Variants in UBE2E2 observed in about 807,000 individuals in gnomAD.
The protein encoded by UBE2E2 is ubiquitin-conjugating enzyme E2 E2.
In UBE2E2, 6 loss-of-function variants were observed where a neutral mutation model predicts 24.7. The ratio of observed to expected loss-of-function variants is 0.24; its 90% CI spans 0.13 to 0.48. UBE2E2 has a LOEUF of 0.48. Ranked by LOEUF, UBE2E2 falls within the 20% of genes least tolerant of loss-of-function variation. The probability of loss-of-function intolerance (pLI) is 0.99; values close to 1 mark genes in which losing one functional copy is unlikely to be tolerated. For missense variants in UBE2E2, 169 were observed against 245.0 expected, an observed-to-expected ratio of 0.69 and a Z score of 2.07; for synonymous variants, 104 against 83.6, an observed-to-expected ratio of 1.24 and a Z score of -1.33.
At chr3:23,585,198 G>A (rs79378821) in intron 5 of UBE2E2, among the ~76,000 whole-genome samples, 2,259 of 151,396 alleles carry the variant, frequency 0.015, 64 homozygotes, top group African/African-American at 0.051. Flanking sequence ...AACATCTGCC[G>A]TCTCTACCAA....
intron 3 of UBE2E2, among the ~76,000 whole-genome samples, chr3:23,352,915 G>GGC: frequency 6.6e-6 from 1 of 152,110 alleles, no homozygotes; most frequent in Non-Finnish European, 1.5e-5. Flanking sequence ...ACCAAAGCCG[G>GGC]GCAGAGACAC....
At chr3:23,335,973 A>G (rs1041962061) in intron 3 of UBE2E2, among the ~76,000 whole-genome samples, 1 of 152,218 alleles carries the variant, frequency 6.6e-6, no homozygotes, top group Non-Finnish European at 1.5e-5. Context: ...GCCTCAAAAT[A>G]CCAGATACCG....
chr3:23,434,840 AT>A (rs1301375600), intron 3 of UBE2E2, among the ~76,000 whole-genome samples: 2 of 152,112 alleles, frequency 1.3e-5, no homozygotes, highest in African/African-American at 4.8e-5. Context: ...GAAGCAAGTG[AT>A]TTTTTTCCAT....
chr3:23,589,262 A>T lies in UBE2E2; in HGVS notation c.509-472A>T, dbSNP rs1311130220. On this transcript the variant is annotated intron_variant, in intron 5 of 5. Transcript: ENST00000396703. The surrounding 1 kb of genome is among the most constrained non-coding windows in gnomAD (Gnocchi z 4.1). ...GAGACCCCCAAAATTACAAAAAAAA[A>T]TTTGAAAATTAGCCAGGTGTTGTTG... is the stretch of plus-strand genomic sequence containing the variant. Among the ~76,000 whole-genome samples the T allele has an allele frequency of 6.6e-6, 1 of 151,776 alleles. No homozygotes were observed. Among genetic ancestry groups the T allele is most frequent in the Non-Finnish European group, 1.5e-5 (1 of 67,928 alleles).
At chr3:23,485,190 G>C (rs1699338211) in intron 3 of UBE2E2, among the ~76,000 whole-genome samples, 1 of 149,774 alleles carries the variant, frequency 6.7e-6, no homozygotes, top group African/African-American at 2.5e-5. Context: ...CACCTCCAGG[G>C]TTCAAACCTC....
intron 3 of UBE2E2, among the ~76,000 whole-genome samples, chr3:23,379,020 G>A (rs1208862877): frequency 1.3e-5 from 2 of 152,134 alleles, no homozygotes; most frequent in Non-Finnish European, 2.9e-5. Context: ...AGTGACTGAA[G>A]TATTTTCTTT....
Position 23,203,470 on chromosome 3 carries a change from C to CG in UBE2E2, c.-9+7dup, listed in dbSNP as rs1316532152. The stretch of plus-strand genomic sequence containing the variant: ...CACGGACACCCCCCCCTCAGGTATT[C>CG]GCTCGGGCCGCGCCGGTGCCTCCCC... On this transcript the variant is annotated splice_region_variant and intron_variant, in intron 1 of 5. Transcript: ENST00000396703. 1 of 948,902 alleles carries CG rather than the reference C, an allele frequency of 1.1e-6. No individual in the cohort carries two copies. The highest frequency in any genetic ancestry group is 2.2e-5 in the African/African-American group (1 of 45,772). 58.8% of individuals were successfully genotyped at this position (948,902 alleles called of 1,614,324 possible).
intron 3 of UBE2E2, among the ~76,000 whole-genome samples, chr3:23,488,683 T>C (rs1699432230): frequency 1.3e-5 from 2 of 152,238 alleles, no homozygotes; most frequent in Non-Finnish European, 2.9e-5. Flanking sequence ...CTGAAAACTG[T>C]GTAGGGGCAG....
chr3:23,452,807 A>G (rs1698594976), intron 3 of UBE2E2, among the ~76,000 whole-genome samples: 1 of 152,060 alleles, frequency 6.6e-6, no homozygotes, highest in South Asian at 2.1e-4. Flanking sequence ...ACCATAATTT[A>G]CTACAAAATG....
intron 3 of UBE2E2, among the ~76,000 whole-genome samples, chr3:23,239,702 G>T (rs570560514): frequency 3.3e-5 from 5 of 152,314 alleles, no homozygotes; most frequent in African/African-American, 1.2e-4. Context: ...TTCAGATTTA[G>T]CAAACATTGA....
intron 3 of UBE2E2, among the ~76,000 whole-genome samples, chr3:23,428,235 G>A (rs1697974497): frequency 6.6e-6 from 1 of 152,160 alleles, no homozygotes. Flanking sequence ...CTAGAAATTA[G>A]TAACAGAAAG....
At chr3:23,405,626 G>C (rs947942820) in intron 3 of UBE2E2, among the ~76,000 whole-genome samples, 1 of 152,120 alleles carries the variant, frequency 6.6e-6, no homozygotes, top group Non-Finnish European at 1.5e-5. Flanking sequence ...GAGGTGTCCA[G>C]GCTTTTGACT....
At chr3:23,460,887 A>C (rs992988309) in intron 3 of UBE2E2, among the ~76,000 whole-genome samples, 2 of 152,226 alleles carry the variant, frequency 1.3e-5, no homozygotes, top group Admixed American at 1.3e-4. Context: ...TGTTTATATG[A>C]ACATAGCCTG....
intron 5 of UBE2E2, among the ~76,000 whole-genome samples, chr3:23,587,757 T>C (rs552148008): frequency 1.2e-3 from 182 of 152,360 alleles, no homozygotes; most frequent in African/African-American, 4.3e-3. Flanking sequence ...TATTTGGTAG[T>C]GCTGGTTTAA....
chr3:23,486,309 C>A (rs1426406143), intron 3 of UBE2E2, among the ~76,000 whole-genome samples: 2 of 152,164 alleles, frequency 1.3e-5, no homozygotes, highest in African/African-American at 2.4e-5. Flanking sequence ...CACATCCAGA[C>A]AAGGGGAATG....
intron 3 of UBE2E2, among the ~76,000 whole-genome samples, chr3:23,293,672 A>G (rs561853428): frequency 1.3e-5 from 2 of 152,332 alleles, no homozygotes; most frequent in South Asian, 4.1e-4. Flanking sequence ...CATAATATGT[A>G]TCTTTCCTCT....
intron 5 of UBE2E2, among the ~76,000 whole-genome samples, chr3:23,585,054 T>TA (rs1696586706): frequency 6.6e-6 from 1 of 152,132 alleles, no homozygotes; most frequent in Admixed American, 6.5e-5. Context: ...CAGGTTATTA[T>TA]TTTATGACTG....
chr3:23,498,611 T>G (rs1253444539), intron 3 of UBE2E2, among the ~76,000 whole-genome samples: 1 of 152,176 alleles, frequency 6.6e-6, no homozygotes, highest in African/African-American at 2.4e-5. Flanking sequence ...TATATAATTT[T>G]CTCCATAAAG....
At chr3:23,415,312 C>T (rs1236677970) in intron 3 of UBE2E2, among the ~76,000 whole-genome samples, 1 of 152,148 alleles carries the variant, frequency 6.6e-6, no homozygotes, top group Non-Finnish European at 1.5e-5. Context: ...CTAACTAGGT[C>T]CTTCCAGTGA....
Sources: gnomAD v4.1 joint callset for allele counts (sites outside exome capture counted in the v4.1 genomes callset) on GRCh38, gnomAD v4.1.1 for gene constraint, Gnocchi (gnomAD v3.1) non-coding constraint, MANE v1.5 for transcripts, NCBI Gene and HGNC (gene_info 2026-07-23, HGNC 2026-07-21) for gene names.